The following HMCN2 variants were observed in gnomAD, a reference collection of about 807,000 sequenced individuals.
HMCN2 encodes hemicentin-2.
HMCN2 carries 325 observed loss-of-function variants against 377.5 expected under a neutral mutation model. That is an observed-to-expected ratio of 0.86 (90% CI 0.79 to 0.94). The LOEUF is 0.94. Ranked by LOEUF, HMCN2 falls within the 40% of genes least tolerant of loss-of-function variation. The pLI, the probability that HMCN2 is intolerant of heterozygous loss-of-function variation, is 0.00. For missense variants in HMCN2, 4,543 were observed against 4,725.3 expected (o/e 0.96, Z 1.13); for synonymous variants, 2,007 against 2,046.8 (o/e 0.98, Z 0.53).
At chr9:130,373,637 AT>A (rs1841184469) in intron 48 of HMCN2, among the ~76,000 whole-genome samples, 1 of 85,188 alleles carries the variant, frequency 1.2e-5, no homozygotes. Flanking sequence ...GGATGGATGG[AT>A]GAATGGATAG....
chr9:130,358,175 G>A (rs1041876930), intron 35 of HMCN2, among the ~76,000 whole-genome samples, 187 bp downstream of exon 35: 1 of 152,204 alleles, frequency 6.6e-6, no homozygotes, highest in East Asian at 1.9e-4. Context: ...GTCAGAGGGA[G>A]AAAATGTCAG....
At chr9:130,294,018 G>C (rs1835963692) in intron 4 of HMCN2, among the ~76,000 whole-genome samples, 1 of 152,166 alleles carries the variant, frequency 6.6e-6, no homozygotes, top group Admixed American at 6.5e-5. Context: ...GTAGCAGGCA[G>C]GGGGAGGCAG....
At chr9:130,412,567 C>CTTTT (rs55873444) in intron 85 of HMCN2, among the ~76,000 whole-genome samples, 13,438 of 134,262 alleles carry the variant, frequency 0.1, 1,203 homozygotes, top group East Asian at 0.38. Context: ...CTTTCTTTCT[C>CTTTT]TTTTTTTTTT....
chr9:130,427,766 G>A (rs527640091), intron 92 of HMCN2, 147 bp downstream of exon 92: 1 of 1,012,098 alleles, frequency 9.9e-7, no homozygotes, highest in South Asian at 1.7e-5. Flanking sequence ...CAGCCTGGGG[G>A]TCCCAATGCT....
In HMCN2 at chr9:130,267,476, A is replaced by ACACGCG. The variant is rs1265312371; in HGVS notation, c.259+1340_259+1341insACGCGC. Among the ~76,000 whole-genome samples, 287 of 149,930 alleles carry ACACGCG rather than the reference A, an allele frequency of 1.9e-3. 5 individuals carry two copies. The East Asian group carries it at 0.021, about 11-fold the overall frequency. On this transcript the variant is annotated intron_variant, in intron 1 of 97. Transcript: ENST00000683500. Reference sequence around the variant, plus strand: ...CACACACACACACACACACACACACACGCACAGATTCCTTGCTAAATTGTA... The same window carrying ACACGCG: ...CACACACACACACACACACACACACACACGCGCGCACAGATTCCTTGCTAAATTGTA...
chr9:130,410,784 A>ACTGAATCC (rs762857553), intron 85 of HMCN2, 132 bp downstream of exon 85: 37 of 766,388 alleles, frequency 4.8e-5, no homozygotes, highest in Non-Finnish European at 7.3e-5. Flanking sequence ...TGGAACACAC[A>ACTGAATCC]CTGAATCCTA....
Position 130,406,167 on chromosome 9 carries a change from A to G in HMCN2, c.12552A>G (p.Thr4184=). 1 of 1,289,760 alleles carries G rather than the reference A, an allele frequency of 7.8e-7. No homozygotes were observed. The highest frequency in any genetic ancestry group is 1.5e-5 in the African/African-American group (1 of 65,986). The allele number at this position is 1,289,760 out of a possible 1,614,324, so 79.9% of individuals were successfully genotyped here. A position where few individuals can be genotyped will look rare whatever the true frequency, so the allele number is the denominator to read the frequency against. The part of the protein sequence containing the change: ...IGWTVNDRPV[T]EGVSEQDGGS... Reference sequence around the variant, plus strand: ...GGACTGTCAACGACCGGCCAGTCACAGGTCTGGGTCTGCTGGGCATGGGTG... The same window carrying G: ...GGACTGTCAACGACCGGCCAGTCACGGGTCTGGGTCTGCTGGGCATGGGTG... Residue 4184 remains threonine, a splice_region_variant and synonymous_variant, in exon 82 of 98, where the codon ACA becomes ACG. Transcript: ENST00000683500.
chr9:130,429,401 G>A (rs1008641503), intron 93 of HMCN2, 156 bp from the exon 94 acceptor site: 5 of 842,836 alleles, frequency 5.9e-6, no homozygotes, highest in Admixed American at 2.7e-5. Context: ...GGTATAACTG[G>A]GGGAGGTGCT....
At chr9:130,270,566 C>G (rs1175988287) in intron 1 of HMCN2, among the ~76,000 whole-genome samples, 2 of 147,798 alleles carry the variant, frequency 1.4e-5, no homozygotes, top group East Asian at 3.9e-4. Flanking sequence ...GACCCTGTCT[C>G]AAAAAGAAAA....
intron 1 of HMCN2, among the ~76,000 whole-genome samples, chr9:130,282,981 G>T (rs1324774136): frequency 6.6e-6 from 1 of 152,204 alleles, no homozygotes; most frequent in Admixed American, 6.5e-5. Flanking sequence ...TGAGGCAAGA[G>T]AATCGCTTGA....
At chr9:130,271,147 A>G (rs1330031481) in intron 1 of HMCN2, among the ~76,000 whole-genome samples, 1 of 148,886 alleles carries the variant, frequency 6.7e-6, no homozygotes, top group Admixed American at 6.7e-5. Context: ...AGCACACGCT[A>G]TCACGGTGAT....
At chr9:130,345,480 GTGT>G (rs1362323438) in intron 25 of HMCN2, among the ~76,000 whole-genome samples, 2 of 150,904 alleles carry the variant, frequency 1.3e-5, no homozygotes, top group Non-Finnish European at 3.0e-5. Flanking sequence ...TGTGGTGTGT[GTGT>G]TGTTTGGTAT....
Position 130,351,648 on chromosome 9 carries a change from C to G in HMCN2, c.4585+71C>G. 2 of 1,221,366 alleles carry G rather than the reference C, an allele frequency of 1.6e-6. No homozygotes were observed. The highest frequency in any genetic ancestry group is 2.1e-6 in the Non-Finnish European group (2 of 936,168). 75.7% of individuals were successfully genotyped at this position (1,221,366 alleles called of 1,614,324 possible). ...AGCTTCCCACCCAGCTGCCCGCTGC[C>G]TTAGAGGGAGAGTGAGGGCTGAAAT... On this transcript the variant is annotated intron_variant, in intron 30 of 97. Transcript: ENST00000683500. The surrounding 1 kb of genome is among the most constrained non-coding windows in gnomAD (Gnocchi z 5.4).
At chr9:130,317,470 TCTCTC>T (rs1837621504) in intron 15 of HMCN2, among the ~76,000 whole-genome samples, 1 of 14,446 alleles carries the variant, frequency 6.9e-5, no homozygotes, top group Admixed American at 6.0e-4. Context: ...CCCCACCATC[TCTCTC>T]TCTCTCTCTC....
intron 25 of HMCN2, among the ~76,000 whole-genome samples, chr9:130,344,069 T>C (rs1334577878): frequency 1.3e-5 from 2 of 152,030 alleles, no homozygotes; most frequent in African/African-American, 4.8e-5. Flanking sequence ...TTGTCCTCCT[T>C]GTCACAGAGC....
At position 130,402,840 on chromosome 9, in the gene HMCN2, G is replaced by A. The variant is rs1179511629; in HGVS notation, c.11822G>A (p.Cys3941Tyr). 1 of 1,289,752 alleles carries A rather than the reference G, an allele frequency of 7.8e-7. No individual in the cohort carries two copies. Among genetic ancestry groups the A allele is most frequent in the Admixed American group, 2.3e-5 (1 of 43,558 alleles). 79.9% of individuals were successfully genotyped at this position (1,289,752 alleles called of 1,614,324 possible). Reference sequence around the variant, plus strand: ...CCCATCCACGCAGGCCGCTACACCTGCTCAGCCCGCAACTCTGCCGGCGTA... The same window carrying A: ...CCCATCCACGCAGGCCGCTACACCTACTCAGCCCGCAACTCTGCCGGCGTA... ...ALPIHAGRYTCSARNSAGVAH... is the reference protein window; with the variant it reads ...ALPIHAGRYTYSARNSAGVAH... Residue 3941 changes from cysteine to tyrosine, a missense_variant, in exon 78 of 98, where the codon TGC (cysteine) becomes TAC (tyrosine). Physicochemically the swap from Cys to Tyr is radical, Grantham distance 194. Transcript: ENST00000683500.
intron 7 of HMCN2, among the ~76,000 whole-genome samples, chr9:130,297,298 G>C (rs1234497164): frequency 7.2e-5 from 11 of 152,140 alleles, no homozygotes; most frequent in Admixed American, 7.2e-4. Flanking sequence ...GAGGAAGGTT[G>C]GAGGAGCCTG....
intron 4 of HMCN2, among the ~76,000 whole-genome samples, chr9:130,294,179 G>A (rs1283805300): frequency 1.3e-5 from 2 of 152,196 alleles, no homozygotes; most frequent in Non-Finnish European, 2.9e-5. Flanking sequence ...ACCTCCCGAA[G>A]TCATACCCTA....
Position 130,425,150 on chromosome 9 carries a change from G to A in HMCN2, c.13641+20G>A, listed in dbSNP as rs1305924440. 1 of 1,536,056 alleles carries A rather than the reference G, an allele frequency of 6.5e-7. No individual in the cohort carries two copies. Among genetic ancestry groups the A allele is most frequent in the East Asian group, 2.5e-5 (1 of 40,784 alleles). The stretch of plus-strand genomic sequence containing the variant: ...GTGCAGGTCGGGGGTCAAGCCCTGG[G>A]GTGTGCAGACAGGGTAGGTGAGAGA... On this transcript the variant is annotated intron_variant, in intron 89 of 97. Coordinates refer to ENST00000683500, the MANE Select transcript of HMCN2 (RefSeq NM_001291815.2).
Sources: allele counts gnomAD v4.1 joint callset (sites outside exome capture counted in the v4.1 genomes callset), GRCh38; gene constraint gnomAD v4.1.1; non-coding constraint Gnocchi (gnomAD v3.1); transcripts MANE v1.5; gene names NCBI Gene and HGNC (gene_info 2026-07-23, HGNC 2026-07-21).